RRM2: variants seen among roughly 807,000 people sequenced by gnomAD.
RRM2 encodes the protein ribonucleotide reductase regulatory subunit M2, also known as ribonucleoside-diphosphate reductase subunit M2.
RRM2 carries 6 observed loss-of-function variants against 45.9 expected under a neutral mutation model. That is an observed-to-expected ratio of 0.13 (90% CI 0.07 to 0.26). The LOEUF is 0.26. Among genes scored for constraint, RRM2 ranks in the 10% least tolerant of loss-of-function variants. The probability of loss-of-function intolerance (pLI) is 1.00; values close to 1 mark genes in which losing one functional copy is unlikely to be tolerated. For missense variants in RRM2, 343 were observed against 489.5 expected, an observed-to-expected ratio of 0.70 and a Z score of 2.82; for synonymous variants, 177 against 173.0, an observed-to-expected ratio of 1.02 and a Z score of -0.18.
rs138668397 is a variant in RRM2, at chr2:10,163,820, A to G, written n.482+21445A>G. The stretch of plus-strand genomic sequence containing the variant: ...GAGCACCTCATTGGGCTTCCAAGTC[A>G]GAGTAGTGGAAGTGCAAACCTCAGC... On this transcript the variant is annotated intron_variant and non_coding_transcript_variant, in intron 3 of 3. Transcript: ENST00000381786. 1.6e-4 allele frequency among the ~76,000 whole-genome samples: 25 copies of G among 152,328 alleles called. No homozygotes were observed. In the East Asian group the frequency reaches 4.6e-3, roughly 28 times the overall value.
chr2:10,193,710 C>T (rs1462786977), intron 3 of RRM2, among the ~76,000 whole-genome samples: 1 of 152,238 alleles, frequency 6.6e-6, no homozygotes, highest in African/African-American at 2.4e-5. Flanking sequence ...CATGCCCTAA[C>T]TGGGCAGTTG....
chr2:10,142,286 CT>C, exon 3 of RRM2: 2 of 1,425,492 alleles, frequency 1.4e-6, no homozygotes, highest in South Asian at 2.3e-5. Context: ...TCTGACCAGC[CT>C]TACGTCTTGA....
At chr2:10,178,152 T>C (rs1440470114) in intron 3 of RRM2, among the ~76,000 whole-genome samples, 6 of 150,484 alleles carry the variant, frequency 4.0e-5, no homozygotes, top group Non-Finnish European at 7.4e-5. Flanking sequence ...GGTCTCAATC[T>C]CCTGACCTCG....
intron 3 of RRM2, among the ~76,000 whole-genome samples, chr2:10,168,040 T>TTG (rs1663719249): frequency 1.3e-5 from 2 of 151,270 alleles, no homozygotes; most frequent in African/African-American, 2.4e-5. Flanking sequence ...TTTTCTGTTT[T>TTG]TTTTTTTTTT....
intron 3 of RRM2, among the ~76,000 whole-genome samples, chr2:10,180,018 T>C (rs915360223): frequency 6.6e-6 from 1 of 152,166 alleles, no homozygotes; most frequent in African/African-American, 2.4e-5. Context: ...GCCCCACCAA[T>C]GACTTTCCTG....
rs1662863851 is a variant in RRM2, at chr2:10,130,020, G to A, written c.*634G>A. Reference sequence around the variant, plus strand: ...GATATTAGTCAGTTGGTGCCAGATAGAAGACAGGTTGTGTTTTTATCCTGT... The same window carrying A: ...GATATTAGTCAGTTGGTGCCAGATAAAAGACAGGTTGTGTTTTTATCCTGT... On this transcript the variant is annotated 3_prime_UTR_variant, in exon 10 of 10. Transcript: ENST00000304567. 1 of 152,254 alleles carries A rather than the reference G, an allele frequency of 6.6e-6. No homozygotes were observed. Among genetic ancestry groups the A allele is most frequent in the Non-Finnish European group, 1.5e-5 (1 of 68,072 alleles). 9.4% of individuals were successfully genotyped at this position (152,254 alleles called of 1,614,324 possible). A position where few individuals can be genotyped will look rare whatever the true frequency, so the allele number is the denominator to read the frequency against.
chr2:10,177,956 C>T (rs1355604422), intron 3 of RRM2, among the ~76,000 whole-genome samples: 1 of 149,334 alleles, frequency 6.7e-6, no homozygotes, highest in Non-Finnish European at 1.5e-5. Flanking sequence ...GAGTCTCGCT[C>T]TGTCACCCAG....
intron 3 of RRM2, among the ~76,000 whole-genome samples, chr2:10,199,783 A>AC (rs1664501413): frequency 4.7e-5 from 6 of 126,636 alleles, no homozygotes; most frequent in Admixed American, 3.9e-4. Flanking sequence ...CAGTCTCAAA[A>AC]AAAAAAAAAA....
At position 10,158,975 on chromosome 2, in the gene RRM2, C is replaced by T. The variant is rs1168970179; in HGVS notation, n.482+16600C>T. 9.2e-5 allele frequency among the ~76,000 whole-genome samples: 14 copies of T among 152,326 alleles called. No individual in the cohort carries two copies. In the East Asian group the frequency reaches 1.7e-3, roughly 19 times the overall value. On this transcript the variant is annotated intron_variant and non_coding_transcript_variant, in intron 3 of 3. Transcript: ENST00000381786. Reference sequence around the variant, plus strand: ...AACCAAGTAGTAGTGAGAACAGTGCCGCGGGGCTGGCCCAGATCATCGGTC... The same window carrying T: ...AACCAAGTAGTAGTGAGAACAGTGCTGCGGGGCTGGCCCAGATCATCGGTC...
intron 3 of RRM2, among the ~76,000 whole-genome samples, chr2:10,191,722 C>T (rs548072239): frequency 2.0e-5 from 3 of 152,198 alleles, no homozygotes; most frequent in South Asian, 4.2e-4. Flanking sequence ...GGCTAACCTG[C>T]GGGGTCTGGA....
Position 10,127,429 on chromosome 2 carries a change from T to G in RRM2, c.798+209T>G, listed in dbSNP as rs1383836680. 1 of 571,676 alleles carries G rather than the reference T, an allele frequency of 1.7e-6. No individual in the cohort carries two copies. Among genetic ancestry groups the G allele is most frequent in the Non-Finnish European group, 3.1e-6 (1 of 323,942 alleles). 35.4% of individuals were successfully genotyped at this position (571,676 alleles called of 1,614,324 possible). On this transcript the variant is annotated intron_variant, in intron 7 of 9. Transcript: ENST00000304567. The surrounding 1 kb of genome is among the most constrained non-coding windows in gnomAD (Gnocchi z 4.1). ...CATTCTCAATATATTGTAATACATT[T>G]GTACATATGTATTCCCCTATAGGCT...
chr2:10,155,623 T>G (rs1463927806), intron 3 of RRM2: 1 of 152,460 alleles, frequency 6.6e-6, no homozygotes, highest in Non-Finnish European at 1.5e-5. Context: ...CCCTCTTCTG[T>G]TCCAGTCCAG....
At chr2:10,138,188 A>T (rs539034200), upstream of RRM2, among the ~76,000 whole-genome samples, 6 of 134,798 alleles carry the variant, frequency 4.5e-5, no homozygotes, top group South Asian at 2.3e-4. Flanking sequence ...TTTTTTTGAG[A>T]TGGAGTTTCT....
At chr2:10,126,846 C>T in intron 5 of RRM2, 29 bp from the exon 6 acceptor site, 1 of 1,564,174 alleles carries the variant, frequency 6.4e-7, no homozygotes, top group Non-Finnish European at 8.8e-7. Flanking sequence ...TGTAATGCTT[C>T]AATTGCTGAT....
At chr2:10,128,989 T>C in intron 8 of RRM2, 37 bp downstream of exon 8, 8 of 1,609,652 alleles carry the variant, frequency 5.0e-6, no homozygotes, top group Non-Finnish European at 6.8e-6. Flanking sequence ...TCAAGCTTGC[T>C]AGAAAATGCC....
At chr2:10,165,031 A>G (rs757168333) in intron 3 of RRM2, among the ~76,000 whole-genome samples, 4 of 152,180 alleles carry the variant, frequency 2.6e-5, no homozygotes, top group Non-Finnish European at 4.4e-5. Flanking sequence ...AGCTCACTAC[A>G]GCCTCAACCT....
chr2:10,140,361 G>A (rs1424512362), upstream of RRM2, among the ~76,000 whole-genome samples: 2 of 152,226 alleles, frequency 1.3e-5, no homozygotes, highest in African/African-American at 4.8e-5. Context: ...ACACTTGTTT[G>A]TTTACGTATG....
intron 3 of RRM2, among the ~76,000 whole-genome samples, chr2:10,200,436 C>CACAAAATAT (rs2125332861): frequency 7.3e-6 from 1 of 136,948 alleles, no homozygotes; most frequent in African/African-American, 2.7e-5. Context: ...GGACCGCGCG[C>CACAAAATAT]GCAAAATATG....
rs367872126 is a variant in RRM2 at position 10,205,173 on chromosome 2, G to A, written n.483-5138G>A. Among the ~76,000 whole-genome samples the A allele has an allele frequency of 7.2e-5, 11 of 152,236 alleles. No homozygotes were observed. Among genetic ancestry groups the A allele is most frequent in the African/African-American group, 2.4e-4 (10 of 41,462 alleles). ...TGGCTAGTTCAGCTGGAGGCCAGGG[G>A]TCGGAGACTTAGAGAAATGAGGAGG... On this transcript the variant is annotated intron_variant and non_coding_transcript_variant, in intron 3 of 3. Coordinates refer to the RRM2 transcript ENST00000381786. The surrounding 1 kb of genome is among the most constrained non-coding windows in gnomAD (Gnocchi z 4.8).
Sources: gnomAD v4.1 joint callset for allele counts (sites outside exome capture counted in the v4.1 genomes callset) on GRCh38, gnomAD v4.1.1 for gene constraint, Gnocchi (gnomAD v3.1) non-coding constraint, MANE v1.5 for transcripts, NCBI Gene and HGNC (gene_info 2026-07-23, HGNC 2026-07-21) for gene names.